PEAK1: variants seen among roughly 807,000 people sequenced by gnomAD.
PEAK1 encodes the protein pseudopodium enriched atypical kinase 1, also known as inactive tyrosine-protein kinase PEAK1.
Under a neutral mutation model 124.7 loss-of-function variants are expected in PEAK1, and 54 were observed. That is an observed-to-expected ratio of 0.43 (90% CI 0.35 to 0.54). The LOEUF (loss-of-function observed/expected upper bound fraction) is 0.54. Ranked by LOEUF, PEAK1 falls within the 20% of genes least tolerant of loss-of-function variation. The probability of loss-of-function intolerance (pLI) is 0.01; values close to 1 mark genes in which losing one functional copy is unlikely to be tolerated. For synonymous variants in PEAK1, 719 were observed against 760.0 expected (o/e 0.95, Z 0.89); for missense variants, 2,046 against 2,134.5 (o/e 0.96, Z 0.82).
chr15:77,195,400 C>T (rs977347131), intron 6 of PEAK1, among the ~76,000 whole-genome samples: 5 of 151,168 alleles, frequency 3.3e-5, no homozygotes, highest in Non-Finnish European at 7.4e-5. Context: ...GGAACAATAA[C>T]AAAAGATAAA....
chr15:77,178,079 G>T (rs2056994187), intron 7 of PEAK1: 2 of 152,080 alleles, frequency 1.3e-5, no homozygotes, highest in South Asian at 4.1e-4. Flanking sequence ...TATATACCTT[G>T]CACAGAATAG....
intron 2 of PEAK1, chr15:77,338,054 G>A (rs1032580734): frequency 4.2e-5 from 41 of 982,094 alleles, no homozygotes; most frequent in Non-Finnish European, 4.7e-5. Flanking sequence ...GTAAAAATTT[G>A]AGCTTTTTTA....
intron 9 of PEAK1, among the ~76,000 whole-genome samples, chr15:77,126,923 C>A (rs2052422359): frequency 6.6e-6 from 1 of 152,196 alleles, no homozygotes; most frequent in African/African-American, 2.4e-5. Flanking sequence ...TACTTTATAA[C>A]AAAGACAAAC....
At chr15:77,407,265 T>C (rs1026170688) in intron 1 of PEAK1, among the ~76,000 whole-genome samples, 3 of 151,930 alleles carry the variant, frequency 2.0e-5, no homozygotes, top group Admixed American at 1.3e-4. Context: ...CAAAGATAAA[T>C]AGGCGGAACT....
intron 6 of PEAK1, among the ~76,000 whole-genome samples, chr15:77,239,203 T>C (rs1177315123): frequency 1.3e-5 from 2 of 152,210 alleles, no homozygotes; most frequent in Admixed American, 1.3e-4. Flanking sequence ...AGGGAAAATG[T>C]GCTTTTTTAC....
At chr15:77,265,798 C>T (rs2061691379) in intron 5 of PEAK1, among the ~76,000 whole-genome samples, 1 of 152,004 alleles carries the variant, frequency 6.6e-6, no homozygotes, top group Non-Finnish European at 1.5e-5. Context: ...TATAAAGACA[C>T]ATGCACACGT....
chr15:77,275,893 G>C (rs184218090), intron 5 of PEAK1, among the ~76,000 whole-genome samples: 1 of 152,014 alleles, frequency 6.6e-6, no homozygotes, highest in African/African-American at 2.4e-5. Flanking sequence ...CCTGAGTAAA[G>C]AAAGTCTCAG....
intron 9 of PEAK1, among the ~76,000 whole-genome samples, chr15:77,116,237 G>T (rs2152712723): frequency 6.6e-6 from 1 of 152,290 alleles, no homozygotes; most frequent in Non-Finnish European, 1.5e-5. Context: ...GACCGTGGAA[G>T]ACTGAGTCTC....
chr15:77,323,687 C>A (rs1322148945), intron 2 of PEAK1, among the ~76,000 whole-genome samples: 1 of 152,134 alleles, frequency 6.6e-6, no homozygotes, highest in Admixed American at 6.5e-5. Context: ...AGAATCAATA[C>A]CATGAAAATG....
chr15:77,350,083 CAT>C, intron 2 of PEAK1: 1 of 985,328 alleles, frequency 1.0e-6, no homozygotes, highest in Non-Finnish European at 1.2e-6. Flanking sequence ...TTTGTGCAAA[CAT>C]AATAAGAGCA....
intron 6 of PEAK1, among the ~76,000 whole-genome samples, chr15:77,213,835 TTTA>T (rs1386791505): frequency 1.3e-5 from 2 of 152,200 alleles, no homozygotes; most frequent in African/African-American, 4.8e-5. Context: ...TTTGATAATT[TTTA>T]TTATTTGTAT....
At chr15:77,320,742 G>C (rs570656218) in intron 2 of PEAK1, among the ~76,000 whole-genome samples, 1 of 152,198 alleles carries the variant, frequency 6.6e-6, no homozygotes. Flanking sequence ...CATGTGCCAT[G>C]TTGGTGTGCT....
At chr15:77,409,088 A>G (rs1478081628) in intron 1 of PEAK1, among the ~76,000 whole-genome samples, 1 of 152,054 alleles carries the variant, frequency 6.6e-6, no homozygotes, top group African/African-American at 2.4e-5. Context: ...AACAAACACA[A>G]AAATATTTAA....
intron 1 of PEAK1, among the ~76,000 whole-genome samples, chr15:77,371,884 A>T (rs570650435): frequency 6.6e-6 from 1 of 152,204 alleles, no homozygotes; most frequent in Non-Finnish European, 1.5e-5. Flanking sequence ...ACTCTGTCCC[A>T]AAAAAATAAA....
chr15:77,264,329 A>G (rs1309388355), intron 5 of PEAK1, among the ~76,000 whole-genome samples: 1 of 152,176 alleles, frequency 6.6e-6, no homozygotes, highest in Non-Finnish European at 1.5e-5. Flanking sequence ...CTGTTTGCAG[A>G]TGACATGATT....
At position 77,133,385 on chromosome 15, in the gene PEAK1, T is replaced by C; in HGVS notation, c.3697A>G (p.Asn1233Asp). ...RKERPVPSAA[N>D]SISSLTTLSI... is the part of the protein sequence containing the mutation. ...AGAGTGGTTAAGCTGGAAATGCTGT[T>C]TGCTGCTGAGGGGACAGGTCTCTCC... Residue 1233 changes from asparagine to aspartate, a missense_variant, in exon 9 of 10, where the codon AAC (asparagine) becomes GAC (aspartate). Transcript: ENST00000682557. This position sits in a 1 kb window ranked among gnomAD's most constrained non-coding sequence, Gnocchi z 4.2. 6.2e-7 allele frequency: 1 copy of C among 1,614,254 alleles called. No individual in the cohort carries two copies.
In PEAK1 at chr15:77,410,953, C is replaced by T. The variant is rs143343028; in HGVS notation, c.-666+9053G>A. Reference sequence around the variant, plus strand: ...TTGCCTGCCTCATGCCATACTACCACCTCTTATCAGCTGGCAATGAAAGCC... The same window carrying T: ...TTGCCTGCCTCATGCCATACTACCATCTCTTATCAGCTGGCAATGAAAGCC... On this transcript the variant is annotated intron_variant, in intron 1 of 9. Coordinates refer to ENST00000682557, the MANE Select transcript of PEAK1 (RefSeq NM_001385026.1). 2.2e-3 allele frequency among the ~76,000 whole-genome samples: 336 copies of T among 152,254 alleles called. 2 individuals are homozygous for T. Among genetic ancestry groups the T allele is most frequent in the East Asian group, 3.1e-3 (16 of 5,188 alleles).
intron 5 of PEAK1, among the ~76,000 whole-genome samples, chr15:77,280,315 T>A (rs1204355942): frequency 6.6e-6 from 1 of 152,144 alleles, no homozygotes; most frequent in Non-Finnish European, 1.5e-5. Flanking sequence ...CACTCCAGCC[T>A]GGGCAACAGA....
chr15:77,172,154 G>A (rs779756440), intron 7 of PEAK1, among the ~76,000 whole-genome samples: 3 of 152,064 alleles, frequency 2.0e-5, no homozygotes, highest in Non-Finnish European at 4.4e-5. Context: ...TAAACTTTTT[G>A]TACTCAGTTA....
Sources: allele counts gnomAD v4.1 joint callset (sites outside exome capture counted in the v4.1 genomes callset), GRCh38; gene constraint gnomAD v4.1.1; non-coding constraint Gnocchi (gnomAD v3.1); transcripts MANE v1.5; gene names NCBI Gene and HGNC (gene_info 2026-07-23, HGNC 2026-07-21).